Variants in ANKS1B observed in about 807,000 individuals in gnomAD.
The protein encoded by ANKS1B is ankyrin repeat and sterile alpha motif domain-containing protein 1B.
Under a neutral mutation model 148.3 loss-of-function variants are expected in ANKS1B, and 36 were observed. The observed-to-expected ratio is 0.24, with a 90% CI of 0.19 to 0.32. ANKS1B has a LOEUF of 0.32. Among genes scored for constraint, ANKS1B ranks in the 10% least tolerant of loss-of-function variants. The pLI is 1.00. For missense variants in ANKS1B, 1,157 were observed against 1,542.6 expected, an observed-to-expected ratio of 0.75 and a Z score of 4.19; for synonymous variants, 542 against 560.8, an observed-to-expected ratio of 0.97 and a Z score of 0.47.
At chr12:99,638,190 C>T (rs1032054930) in intron 9 of ANKS1B, among the ~76,000 whole-genome samples, 3 of 151,966 alleles carry the variant, frequency 2.0e-5, no homozygotes, top group Non-Finnish European at 4.4e-5. Context: ...AATGTGAAAG[C>T]GACTTTGGAA....
At chr12:99,536,537 A>G (rs1407122610) in intron 9 of ANKS1B, among the ~76,000 whole-genome samples, 1 of 152,218 alleles carries the variant, frequency 6.6e-6, no homozygotes, top group Non-Finnish European at 1.5e-5. Flanking sequence ...TGTGAAAATA[A>G]AAAATATTTC....
At chr12:99,925,065 C>G (rs1390703004) in intron 1 of ANKS1B, among the ~76,000 whole-genome samples, 2 of 152,090 alleles carry the variant, frequency 1.3e-5, no homozygotes, top group Non-Finnish European at 2.9e-5. Flanking sequence ...CATTGAAGGT[C>G]ATGACAAAGA....
intron 8 of ANKS1B, among the ~76,000 whole-genome samples, chr12:99,738,452 C>G (rs1309454485): frequency 1.3e-5 from 2 of 152,096 alleles, no homozygotes; most frequent in African/African-American, 4.8e-5. Context: ...TTGAATCTCC[C>G]TCTTTTTATT....
At chr12:99,463,627 C>T (rs1388402593) in intron 10 of ANKS1B, among the ~76,000 whole-genome samples, 5 of 152,172 alleles carry the variant, frequency 3.3e-5, no homozygotes, top group Non-Finnish European at 7.3e-5. Flanking sequence ...AACGGTGCAC[C>T]AGGAGATTAT....
In ANKS1B at chr12:99,246,480, C is replaced by T; in HGVS notation, c.2141G>A (p.Cys714Tyr). 3 of 1,613,834 alleles carry T rather than the reference C, an allele frequency of 1.9e-6. No individual in the cohort carries two copies. The highest frequency in any genetic ancestry group is 1.7e-4 in the Middle Eastern group (1 of 6,060). The change falls in exon 13 of 27, where the codon TGT (cysteine) becomes TAT (tyrosine). Residue 714 changes from cysteine to tyrosine, a missense_variant. Coordinates refer to ENST00000683438, the MANE Select transcript of ANKS1B (RefSeq NM_001352186.2). The stretch of plus-strand genomic sequence containing the variant: ...CAATGACCTTATTCTCCCCAGAGTA[C>T]AGGCTCTCTCCACAAATCCCCCTGC... ...MNAGGFVERA[C>Y]TLGRIRSLPK... is the part of the protein sequence containing the mutation.
At chr12:99,595,857 A>G (rs1016334060) in intron 9 of ANKS1B, among the ~76,000 whole-genome samples, 2 of 151,926 alleles carry the variant, frequency 1.3e-5, no homozygotes, top group African/African-American at 4.8e-5. Context: ...ATTCCTGGGG[A>G]ATTTTCTCAC....
At chr12:99,035,518 G>A (rs2099954991) in intron 17 of ANKS1B, among the ~76,000 whole-genome samples, 1 of 152,116 alleles carries the variant, frequency 6.6e-6, no homozygotes, top group South Asian at 2.1e-4. Flanking sequence ...GTGTAAAAAT[G>A]GACAATCTCC....
At chr12:99,538,068 G>C (rs2097090768) in intron 9 of ANKS1B, among the ~76,000 whole-genome samples, 2 of 151,938 alleles carry the variant, frequency 1.3e-5, no homozygotes, top group Admixed American at 6.6e-5. Flanking sequence ...GTTCACTCTA[G>C]GTGTGTTTAT....
At chr12:99,008,777 T>C (rs1265533598) in intron 17 of ANKS1B, among the ~76,000 whole-genome samples, 1 of 152,172 alleles carries the variant, frequency 6.6e-6, no homozygotes, top group African/African-American at 2.4e-5. Context: ...TGCTGCAAGA[T>C]CTCACGGAGG....
At chr12:99,893,940 T>C (rs142732457) in intron 1 of ANKS1B, among the ~76,000 whole-genome samples, 313 of 152,226 alleles carry the variant, frequency 2.1e-3, no homozygotes, top group African/African-American at 7.4e-3. Context: ...AATAGCACTA[T>C]GATGGACATA....
intron 17 of ANKS1B, among the ~76,000 whole-genome samples, chr12:98,848,743 G>GTTTTTTTTTTTTTTTTTTTTTTTTTTTT (rs10695483): frequency 2.1e-5 from 1 of 48,090 alleles, no homozygotes. Flanking sequence ...TGTATGTGTG[G>GTTTTTTTTTTTTTTTTTTTTTTTTTTTT]TTTTTTTTTT....
intron 17 of ANKS1B, among the ~76,000 whole-genome samples, chr12:98,890,676 A>T (rs1164760377): frequency 6.6e-6 from 1 of 152,250 alleles, no homozygotes; most frequent in African/African-American, 2.4e-5. Flanking sequence ...AACCAAAAAC[A>T]GATAATAAAA....
At chr12:99,972,044 A>G (rs1339957644) in intron 1 of ANKS1B, among the ~76,000 whole-genome samples, 1 of 152,122 alleles carries the variant, frequency 6.6e-6, no homozygotes, top group Non-Finnish European at 1.5e-5. Flanking sequence ...CATTATTTTT[A>G]TATCTGTTAT....
At chr12:99,667,098 C>A (rs2153461844) in intron 8 of ANKS1B, among the ~76,000 whole-genome samples, 1 of 152,128 alleles carries the variant, frequency 6.6e-6, no homozygotes, top group Middle Eastern at 3.4e-3. Context: ...AGAATCCCAG[C>A]ACTTTGGGAG....
At chr12:99,171,536 A>G (rs886631869) in intron 14 of ANKS1B, among the ~76,000 whole-genome samples, 1 of 152,198 alleles carries the variant, frequency 6.6e-6, no homozygotes, top group Non-Finnish European at 1.5e-5. Context: ...AGGAGCTTGG[A>G]TTCAATTTTC....
intron 14 of ANKS1B, among the ~76,000 whole-genome samples, chr12:99,231,741 T>C (rs906116182): frequency 6.6e-6 from 1 of 152,092 alleles, no homozygotes; most frequent in Non-Finnish European, 1.5e-5. Flanking sequence ...AAGTACCTCC[T>C]GATGCAGACC....
rs75187790 is a variant in ANKS1B at position 98,870,171 on chromosome 12, A to G, written c.2779-38035T>C. Among the ~76,000 whole-genome samples the G allele has an allele frequency of 8.7e-3, 1,329 of 152,354 alleles. 20 individuals are homozygous for G. Among genetic ancestry groups the G allele is most frequent in the African/African-American group, 0.031 (1,281 of 41,582 alleles). ...GTGAATTCAATGATATAACACATCT[A>G]AAGCACTTAGAAGAGCCCAGCACAT... On this transcript the variant is annotated intron_variant, in intron 17 of 26. Transcript: ENST00000683438.
At chr12:99,390,292 G>A (rs552194400) in intron 12 of ANKS1B, among the ~76,000 whole-genome samples, 16 of 152,240 alleles carry the variant, frequency 1.1e-4, no homozygotes, top group Non-Finnish European at 1.8e-4. Context: ...TGTTTCACTG[G>A]AAACTGCTCC....
intron 9 of ANKS1B, among the ~76,000 whole-genome samples, chr12:99,546,813 A>T (rs2097176448): frequency 1.3e-5 from 2 of 152,172 alleles, no homozygotes; most frequent in Non-Finnish European, 2.9e-5. Context: ...AGTTCTAGTA[A>T]GGGGAAAGGA....
Sources: allele counts gnomAD v4.1 joint callset (sites outside exome capture counted in the v4.1 genomes callset), GRCh38; gene constraint gnomAD v4.1.1; transcripts MANE v1.5; gene names NCBI Gene and HGNC (gene_info 2026-07-23, HGNC 2026-07-21).